The following ARHGAP6 variants were observed in gnomAD, a reference collection of about 807,000 sequenced individuals.
The protein encoded by ARHGAP6 is rho GTPase-activating protein 6.
A neutral mutation model predicts 55.7 loss-of-function variants in ARHGAP6; 16 were observed. The observed-to-expected ratio is 0.29, with a 90% CI of 0.19 to 0.44. The LOEUF is 0.44. Ranked by LOEUF, ARHGAP6 falls within the 20% of genes least tolerant of loss-of-function variation. The pLI is 1.00. For synonymous variants in ARHGAP6, 382 were observed against 360.9 expected, an observed-to-expected ratio of 1.06 and a Z score of -0.66; for missense variants, 698 against 808.9, an observed-to-expected ratio of 0.86 and a Z score of 1.66.
At chrX:11,488,416 T>C (rs1291645620) in intron 1 of ARHGAP6, among the ~76,000 whole-genome samples, 1 of 112,083 alleles carries the variant, frequency 8.9e-6, no homozygotes, top group Non-Finnish European at 1.9e-5. Context: ...TTTGTAAGTT[T>C]AAATTTATTT....
At chrX:11,627,896 C>G (rs939752239) in intron 1 of ARHGAP6, among the ~76,000 whole-genome samples, 4 of 111,781 alleles carry the variant, frequency 3.6e-5, no homozygotes, top group African/African-American at 1.3e-4. Flanking sequence ...AACCTTCAAG[C>G]CTTCAGGTAG....
At chrX:11,357,334 C>T (rs184183507) in intron 1 of ARHGAP6, among the ~76,000 whole-genome samples, 35 of 111,897 alleles carry the variant, frequency 3.1e-4, no homozygotes, top group Non-Finnish European at 6.2e-4. Context: ...TAGACACTGG[C>T]TCATCATTGG....
At position 11,326,875 on chromosome X, in the gene ARHGAP6, A is replaced by G. The variant is rs181338273; in HGVS notation, c.589-72168T>C. On this transcript the variant is annotated intron_variant, in intron 1 of 12. Transcript: ENST00000337414. Reference sequence around the variant, plus strand: ...CAATGGCTTACAGTAAAATAAAAGCATTTTTAAAAATTATTTCATTAAATA... The same window carrying G: ...CAATGGCTTACAGTAAAATAAAAGCGTTTTTAAAAATTATTTCATTAAATA... Among the ~76,000 whole-genome samples the G allele has an allele frequency of 3.7e-3, 411 of 112,130 alleles. 1 individual carries two copies. Among genetic ancestry groups the G allele is most frequent in the Middle Eastern group, 0.014 (3 of 219 alleles).
chrX:11,522,499 A>C (rs1161983216), intron 1 of ARHGAP6, among the ~76,000 whole-genome samples: 1 of 111,467 alleles, frequency 9.0e-6, no homozygotes, highest in Admixed American at 9.6e-5. Context: ...CAAGACTAAT[A>C]AAGAAGAAAA....
chrX:11,592,258 C>A lies in ARHGAP6; in HGVS notation c.588+71983G>T, dbSNP rs1476624730. On this transcript the variant is annotated intron_variant, in intron 1 of 12. Coordinates refer to ENST00000337414, the MANE Select transcript of ARHGAP6 (RefSeq NM_013427.3). ...TTATAATACCACCCATACAAACATA[C>A]AACACACAACACCAATCAGCCATTG... Among the ~76,000 whole-genome samples, 3 of 112,090 alleles carry A rather than the reference C, an allele frequency of 2.7e-5. No homozygotes were observed. The East Asian group carries it at 8.4e-4, about 32-fold the overall frequency.
intron 1 of ARHGAP6, among the ~76,000 whole-genome samples, chrX:11,509,537 C>G (rs756941383): frequency 9.8e-5 from 11 of 111,885 alleles, no homozygotes; most frequent in Non-Finnish European, 1.9e-4. Flanking sequence ...AGCTAAGTGA[C>G]CCTCCTAGCC....
intron 1 of ARHGAP6, among the ~76,000 whole-genome samples, chrX:11,430,126 C>G (rs1842105905): frequency 8.9e-6 from 1 of 112,058 alleles, no homozygotes; most frequent in African/African-American, 3.2e-5. Flanking sequence ...GTCTTAAAAC[C>G]TTAACCATAG....
intron 1 of ARHGAP6, among the ~76,000 whole-genome samples, chrX:11,301,996 C>T (rs917854312): frequency 2.7e-5 from 3 of 112,029 alleles, no homozygotes; most frequent in Non-Finnish European, 3.8e-5. Flanking sequence ...AATTCAGATA[C>T]GTAGTGTGAT....
intron 1 of ARHGAP6, among the ~76,000 whole-genome samples, chrX:11,542,791 G>A (rs1462096735): frequency 8.9e-6 from 1 of 111,858 alleles, no homozygotes; most frequent in Non-Finnish European, 1.9e-5. Flanking sequence ...CACACAATCT[G>A]TCACATCTTG....
chrX:11,251,263 C>A (rs2047419895), intron 2 of ARHGAP6, among the ~76,000 whole-genome samples: 1 of 111,550 alleles, frequency 9.0e-6, no homozygotes, highest in Non-Finnish European at 1.9e-5. Flanking sequence ...AGTAAAATCC[C>A]ACGTGCCCTC....
chrX:11,358,481 CTTTCTTT>C (rs1438688471), intron 1 of ARHGAP6, among the ~76,000 whole-genome samples: 2 of 58,935 alleles, frequency 3.4e-5, no homozygotes, highest in East Asian at 6.9e-4. Flanking sequence ...TTCTTTCTTT[CTTTCTTT>C]TTTTTTTTTT....
intron 3 of ARHGAP6, among the ~76,000 whole-genome samples, chrX:11,189,826 C>T (rs192796522): frequency 1.2e-3 from 132 of 112,379 alleles, no homozygotes; most frequent in Admixed American, 3.5e-3. Flanking sequence ...TGTTTGTATA[C>T]ATGTACCTTG....
intron 2 of ARHGAP6, among the ~76,000 whole-genome samples, chrX:11,216,200 TAA>T (rs112779032): frequency 8.3e-5 from 8 of 96,286 alleles, no homozygotes; most frequent in Non-Finnish European, 8.4e-5. Flanking sequence ...GTCTTCCTCT[TAA>T]AAAAAAAAAA....
chrX:11,405,947 G>C (rs2049603871), intron 1 of ARHGAP6, among the ~76,000 whole-genome samples: 1 of 111,400 alleles, frequency 9.0e-6, no homozygotes, highest in African/African-American at 3.3e-5. Context: ...TCACTCTGTT[G>C]CTCAGGCTGG....
chrX:11,608,819 T>C (rs189373307), intron 1 of ARHGAP6, among the ~76,000 whole-genome samples: 13 of 111,618 alleles, frequency 1.2e-4, no homozygotes, highest in East Asian at 8.4e-4. Flanking sequence ...TGCCTTTCAC[T>C]TCCCACCATG....
intron 2 of ARHGAP6, among the ~76,000 whole-genome samples, chrX:11,245,153 A>G (rs1335494071): frequency 3.6e-5 from 4 of 112,206 alleles, no homozygotes; most frequent in Non-Finnish European, 7.5e-5. Flanking sequence ...GTCAACTTGG[A>G]CAGATCATCT....
chrX:11,186,200 A>C, intron 5 of ARHGAP6, 36 bp downstream of exon 5: 1 of 1,141,721 alleles, frequency 8.8e-7, no homozygotes, highest in Non-Finnish European at 1.2e-6. Flanking sequence ...GAATAAATGA[A>C]AGTCCTTAGT....
intron 1 of ARHGAP6, among the ~76,000 whole-genome samples, chrX:11,386,890 C>T (rs890424405): frequency 7.2e-5 from 8 of 111,529 alleles, no homozygotes; most frequent in Admixed American, 3.8e-4. Flanking sequence ...AAGAAATACC[C>T]GCTTAAAAAC....
At chrX:11,538,850 T>G (rs976811609) in intron 1 of ARHGAP6, among the ~76,000 whole-genome samples, 1,690 of 60,015 alleles carry the variant, frequency 0.028, 9 homozygotes, top group Middle Eastern at 0.11. Context: ...GTGTGTGTGG[T>G]TTTTTTTTTT....
Sources: gnomAD v4.1 joint callset for allele counts (sites outside exome capture counted in the v4.1 genomes callset) on GRCh38, gnomAD v4.1.1 for gene constraint, MANE v1.5 for transcripts, NCBI Gene and HGNC (gene_info 2026-07-23, HGNC 2026-07-21) for gene names.